CERS6: variants seen among roughly 807,000 people sequenced by gnomAD.
CERS6 encodes LAG1 homolog, ceramide synthase 6.
Under a neutral mutation model 56.8 loss-of-function variants are expected in CERS6, and 26 were observed. That is an observed-to-expected ratio of 0.46 (90% confidence interval 0.34 to 0.63). CERS6 has a LOEUF of 0.63. CERS6 is among the 30% of genes least tolerant of loss of function. The pLI is 0.01. For synonymous variants in CERS6, 164 were observed against 173.3 expected (o/e 0.95, Z 0.42); for missense variants, 415 against 467.5 (o/e 0.89, Z 1.04).
intron 3 of CERS6, among the ~76,000 whole-genome samples, chr2:168,572,476 G>T (rs990362876): frequency 6.6e-6 from 1 of 151,860 alleles, no homozygotes; most frequent in African/African-American, 2.4e-5. Flanking sequence ...GCTGGGATTT[G>T]TACCCAGCTG....
chr2:168,693,719 C>G (rs780432361), intron 5 of CERS6, among the ~76,000 whole-genome samples: 4 of 151,666 alleles, frequency 2.6e-5, no homozygotes, highest in African/African-American at 4.9e-5. Flanking sequence ...TAACCCCATT[C>G]ATGGGGGCTC....
intron 1 of CERS6, among the ~76,000 whole-genome samples, chr2:168,483,271 G>A (rs1201423276): frequency 1.3e-5 from 2 of 149,616 alleles, no homozygotes; most frequent in South Asian, 2.1e-4. Flanking sequence ...ACTCGTCCAC[G>A]ATTACATAGC....
chr2:168,611,838 G>C (rs901033544), intron 3 of CERS6, among the ~76,000 whole-genome samples: 1 of 152,156 alleles, frequency 6.6e-6, no homozygotes, highest in Non-Finnish European at 1.5e-5. Context: ...TCATTTACGT[G>C]ACGTACTGCT....
At chr2:168,647,017 T>A (rs1685221140) in intron 4 of CERS6, among the ~76,000 whole-genome samples, 1 of 152,234 alleles carries the variant, frequency 6.6e-6, no homozygotes, top group African/African-American at 2.4e-5. Flanking sequence ...CTATTCAGGC[T>A]CTTTTTTGGT....
chr2:168,493,888 G>C (rs1470160745), intron 1 of CERS6, among the ~76,000 whole-genome samples: 1 of 151,228 alleles, frequency 6.6e-6, no homozygotes, highest in African/African-American at 2.4e-5. Flanking sequence ...AATGCAAAAA[G>C]ATGACAATGA....
In CERS6 at chr2:168,771,185, T is replaced by C. The variant is rs555390761; in HGVS notation, c.*1523T>C. 6.6e-6 allele frequency: 1 copy of C among 151,830 alleles called. No homozygotes were observed. Among genetic ancestry groups the C allele is most frequent in the African/African-American group, 2.4e-5 (1 of 41,214 alleles). The allele number at this position is 151,830 out of a possible 1,614,324, so 9.4% of individuals were successfully genotyped here. On this transcript the variant is annotated 3_prime_UTR_variant, in exon 10 of 10. Coordinates refer to ENST00000305747, the MANE Select transcript of CERS6 (RefSeq NM_203463.3). ...ACAACAGCAGAAATGCTAACAAGCG[T>C]GCAGAAACACCAGAGAGTGCGTATC...
chr2:168,631,393 A>G lies in CERS6; in HGVS notation c.465+351A>G, dbSNP rs541855546. On this transcript the variant is annotated intron_variant, in intron 4 of 9. Transcript: ENST00000305747. ...ACCAGTAGAAATAACTATATATATTATATAATATATATTATATAATATTAT... is the reference window on the plus strand; with the variant it reads ...ACCAGTAGAAATAACTATATATATTGTATAATATATATTATATAATATTAT... Among the ~76,000 whole-genome samples, 11 of 135,498 alleles carry G rather than the reference A, an allele frequency of 8.1e-5. No individual in the cohort carries two copies. The South Asian group carries it at 1.7e-3, about 21-fold the overall frequency. 88.9% of individuals were successfully genotyped at this position (135,498 alleles called of 152,430 possible).
intron 8 of CERS6, among the ~76,000 whole-genome samples, chr2:168,730,313 T>C (rs1683487722): frequency 6.6e-6 from 1 of 152,182 alleles, no homozygotes; most frequent in Non-Finnish European, 1.5e-5. Context: ...AATACAAGCA[T>C]CAAATGTATT....
At chr2:168,632,795 G>A (rs1167191571) in intron 4 of CERS6, among the ~76,000 whole-genome samples, 6 of 152,132 alleles carry the variant, frequency 3.9e-5, no homozygotes. Context: ...TGTTAACTAA[G>A]GTCAAGGTTT....
intron 1 of CERS6, among the ~76,000 whole-genome samples, chr2:168,498,226 TC>T (rs1207859538): frequency 1.3e-5 from 2 of 152,184 alleles, no homozygotes; most frequent in Non-Finnish European, 2.9e-5. Context: ...TGGCACTTGT[TC>T]CTTTTTAATC....
chr2:168,684,884 A>G (rs899268623), intron 4 of CERS6, among the ~76,000 whole-genome samples: 2 of 152,230 alleles, frequency 1.3e-5, no homozygotes, highest in Non-Finnish European at 2.9e-5. Context: ...AAACGTTTCC[A>G]GTATAAATTC....
At chr2:168,631,834 AT>A (rs1362853872) in intron 4 of CERS6, among the ~76,000 whole-genome samples, 1 of 131,778 alleles carries the variant, frequency 7.6e-6, no homozygotes, top group Non-Finnish European at 1.5e-5. Context: ...TATATAATAT[AT>A]ATTATATAAT....
chr2:168,586,387 T>G (rs1280628827), intron 3 of CERS6, among the ~76,000 whole-genome samples: 1 of 152,188 alleles, frequency 6.6e-6, no homozygotes, highest in African/African-American at 2.4e-5. Flanking sequence ...GCCTCATTTT[T>G]TTTTTGGTGG....
intron 3 of CERS6, among the ~76,000 whole-genome samples, chr2:168,629,006 A>G (rs1180724031): frequency 2.0e-5 from 3 of 152,132 alleles, no homozygotes; most frequent in Admixed American, 1.3e-4. Flanking sequence ...CACAACTTAA[A>G]GAAGTGCTTT....
chr2:168,682,725 C>A (rs1686251397), intron 4 of CERS6, among the ~76,000 whole-genome samples: 1 of 152,280 alleles, frequency 6.6e-6, no homozygotes, highest in Admixed American at 6.5e-5. Context: ...CATCCCTGTC[C>A]TGTGTTGAGA....
chr2:168,541,844 G>T (rs564410024), intron 1 of CERS6, among the ~76,000 whole-genome samples: 1 of 152,238 alleles, frequency 6.6e-6, no homozygotes, highest in Admixed American at 6.5e-5. Context: ...CAGAATTAGG[G>T]TTTGCTTCTT....
chr2:168,523,319 G>A (rs1287014556), intron 1 of CERS6, among the ~76,000 whole-genome samples: 1 of 152,146 alleles, frequency 6.6e-6, no homozygotes, highest in South Asian at 2.1e-4. Flanking sequence ...CAGGGAAGAA[G>A]ATTTTTTTCA....
rs114384831 is a variant in CERS6, at chr2:168,746,005, G to C, written c.846-19587G>C. ...ATACCCGCATCTGGTCCTCAGAGAA[G>C]AGGCAAATGTAAACCCAGAAAGAGG... On this transcript the variant is annotated intron_variant, in intron 8 of 9. Coordinates refer to ENST00000305747, the MANE Select transcript of CERS6 (RefSeq NM_203463.3). 2.8e-3 allele frequency among the ~76,000 whole-genome samples: 427 copies of C among 152,314 alleles called. 1 individual carries two copies. The highest frequency in any genetic ancestry group is 9.7e-3 in the African/African-American group (402 of 41,578).
intron 3 of CERS6, among the ~76,000 whole-genome samples, chr2:168,621,287 G>C (rs891532664): frequency 6.6e-6 from 1 of 152,126 alleles, no homozygotes; most frequent in Non-Finnish European, 1.5e-5. Context: ...TGCATGTTCC[G>C]AAGTCATATT....
Sources: gnomAD v4.1 joint callset for allele counts (sites outside exome capture counted in the v4.1 genomes callset) on GRCh38, gnomAD v4.1.1 for gene constraint, MANE v1.5 for transcripts, NCBI Gene and HGNC (gene_info 2026-07-23, HGNC 2026-07-21) for gene names.